The following DNAH9 variants were observed in gnomAD, a reference collection of about 807,000 sequenced individuals.
DNAH9 encodes DNAH9 variant protein.
A neutral mutation model predicts 471.6 loss-of-function variants in DNAH9; 345 were observed. The observed-to-expected ratio is 0.73, with a 90% CI of 0.67 to 0.80. DNAH9 has a LOEUF of 0.80. DNAH9 is among the 30% of genes least tolerant of loss of function. The probability of loss-of-function intolerance (pLI) is 0.00; values close to 1 mark genes in which losing one functional copy is unlikely to be tolerated. For synonymous variants in DNAH9, 2,093 were observed against 2,123.6 expected, an observed-to-expected ratio of 0.99 and a Z score of 0.40; for missense variants, 5,407 against 5,609.2, an observed-to-expected ratio of 0.96 and a Z score of 1.15.
At chr17:11,861,123 C>A (rs1485426818) in intron 50 of DNAH9, among the ~76,000 whole-genome samples, 1 of 151,846 alleles carries the variant, frequency 6.6e-6, no homozygotes, top group African/African-American at 2.4e-5. Flanking sequence ...TGCGCTGCAC[C>A]CACTAACTCG....
At position 11,947,772 on chromosome 17, in the gene DNAH9, A is replaced by AATTTTTTTTTTTTTTTTTTTT. The variant is rs1555528615; in HGVS notation, c.12843+5287_12843+5288insATTTTTTTTTTTTTTTTTTTT. Among the ~76,000 whole-genome samples, 2 of 108,344 alleles carry AATTTTTTTTTTTTTTTTTTTT rather than the reference A, an allele frequency of 1.8e-5. 1 individual carries two copies. The allele number at this position is 108,344 out of a possible 152,430, so 71.1% of individuals were successfully genotyped here. A position where few individuals can be genotyped will look rare whatever the true frequency, so the allele number is the denominator to read the frequency against. ...CAGAATCTGGGAGGGGCTGGGAACT[A>AATTTTTTTTTTTTTTTTTTTT]TTTTTTTTTTTTTTTTTTTTTTTTT... On this transcript the variant is annotated intron_variant, in intron 67 of 68. Coordinates refer to ENST00000262442, the MANE Select transcript of DNAH9 (RefSeq NM_001372.4).
intron 26 of DNAH9, among the ~76,000 whole-genome samples, chr17:11,715,734 A>G (rs1302298123): frequency 1.3e-5 from 2 of 152,188 alleles, no homozygotes; most frequent in Non-Finnish European, 2.9e-5. Context: ...AGAAAATGCA[A>G]TGTCATGGAT....
At chr17:11,599,004 G>T in intron 1 of DNAH9, 89 bp downstream of exon 1, 1 of 1,043,202 alleles carries the variant, frequency 9.6e-7, no homozygotes, top group Non-Finnish European at 1.3e-6. Context: ...GCCAGAGGGG[G>T]CGGGGCGAAG....
intron 61 of DNAH9, among the ~76,000 whole-genome samples, chr17:11,917,300 G>A (rs1973989677): frequency 6.6e-6 from 1 of 152,116 alleles, no homozygotes; most frequent in Admixed American, 6.5e-5. Flanking sequence ...GGGATTACAG[G>A]CGCCCACCAC....
intron 53 of DNAH9, 28 bp from the exon 54 acceptor site, chr17:11,880,050 A>G: frequency 6.2e-7 from 1 of 1,612,596 alleles, no homozygotes; most frequent in Non-Finnish European, 8.5e-7. Context: ...ACAGTCTCAT[A>G]CTCCCGGACT....
In DNAH9 at chr17:11,905,725, T is replaced by A; in HGVS notation, c.11665T>A (p.Ser3889Thr). 3.1e-6 allele frequency: 5 copies of A among 1,614,146 alleles called. No homozygotes were observed. The highest frequency in any genetic ancestry group is 3.4e-6 in the Non-Finnish European group (4 of 1,180,012). ...GGGAAGAGCCCTAGATTTTGCAACC[T>A]CATTTGAAGAATCGGGACCAGCCAC... ...VVGRALDFAT[S>T]FEESGPATPM... Residue 3889 changes from serine to threonine, a missense_variant, in exon 61 of 69, where the codon TCA (serine) becomes ACA (threonine). By Grantham distance (58) the Ser-to-Thr change is moderately conservative. Around this residue, in one of 3 missense-constraint regions of DNAH9, gnomAD observed 4,636 missense variants for 4,900.3 expected, o/e 0.95. Transcript: ENST00000262442.
chr17:11,757,389 G>A (rs146718332), intron 34 of DNAH9, among the ~76,000 whole-genome samples, 156 bp from the exon 35 acceptor site: 1 of 152,214 alleles, frequency 6.6e-6, no homozygotes, highest in Non-Finnish European at 1.5e-5. Flanking sequence ...GTCCTCAATA[G>A]CAAACCCATT....
At chr17:11,887,051 T>A in intron 57 of DNAH9, 86 bp downstream of exon 57, 1 of 1,480,122 alleles carries the variant, frequency 6.8e-7, no homozygotes, top group South Asian at 1.4e-5. Context: ...CTTATCCATG[T>A]AAGATCATTA....
chr17:11,604,910 C>T (rs915851741), intron 1 of DNAH9, among the ~76,000 whole-genome samples: 4 of 152,170 alleles, frequency 2.6e-5, no homozygotes, highest in Admixed American at 1.3e-4. Flanking sequence ...CTTGGTTGAT[C>T]CTACTCAAAA....
At chr17:11,946,613 A>G (rs1359976692) in intron 67 of DNAH9, among the ~76,000 whole-genome samples, 3 of 149,898 alleles carry the variant, frequency 2.0e-5, no homozygotes, top group Non-Finnish European at 4.4e-5. Context: ...GCAGTGAGCC[A>G]AGATGCCACC....
rs1469639368 is a variant in DNAH9, at chr17:11,673,739, A to G, written c.3353+3945A>G. Among the ~76,000 whole-genome samples the G allele has an allele frequency of 2.0e-5, 3 of 152,126 alleles. No homozygotes were observed. The East Asian group carries it at 5.8e-4, about 29-fold the overall frequency. On this transcript the variant is annotated intron_variant, in intron 17 of 68. Coordinates refer to ENST00000262442, the MANE Select transcript of DNAH9 (RefSeq NM_001372.4). ...TTGCATCATCCAGCTAAGAAACAGA[A>G]CATTGGCTATATTTTAAAGTTTAAA...
intron 45 of DNAH9, among the ~76,000 whole-genome samples, chr17:11,820,751 T>G (rs547116100): frequency 6.6e-6 from 1 of 152,332 alleles, no homozygotes; most frequent in South Asian, 2.1e-4. Flanking sequence ...TTTGCTATCA[T>G]TGCTATACTT....
At chr17:11,859,748 C>T (rs1474685021) in intron 50 of DNAH9, among the ~76,000 whole-genome samples, 4 of 152,100 alleles carry the variant, frequency 2.6e-5, no homozygotes, top group Non-Finnish European at 5.9e-5. Flanking sequence ...AGGGAGGTCC[C>T]ACACTCTTTT....
Position 11,930,009 on chromosome 17 carries a change from C to A in DNAH9, c.12021C>A (p.Ile4007=), listed in dbSNP as rs781537008. The change falls in exon 63 of 69, where the codon ATC becomes ATA. Residue 4007 remains isoleucine (I), a synonymous_variant. Coordinates refer to ENST00000262442, the MANE Select transcript of DNAH9 (RefSeq NM_001372.4). The part of the protein sequence containing the change: ...SPEGHIIPQG[I]LENSIKITNE... ...AGGGCCACATCATCCCCCAGGGCAT[C>A]CTGGAGAACTCCATTAAGATCACCA... The A allele has an allele frequency of 1.2e-6, 2 of 1,614,142 alleles. No homozygotes were observed. The highest frequency in any genetic ancestry group is 2.2e-5 in the South Asian group (2 of 91,082).
At chr17:11,728,587 C>A (rs2075199434) in intron 28 of DNAH9, among the ~76,000 whole-genome samples, 1 of 149,558 alleles carries the variant, frequency 6.7e-6, no homozygotes, top group Admixed American at 6.7e-5. Flanking sequence ...TTTCAATGTT[C>A]TAGAGGTGAC....
chr17:11,844,393 T>C (rs1971141863), intron 49 of DNAH9, among the ~76,000 whole-genome samples: 2 of 152,144 alleles, frequency 1.3e-5, no homozygotes, highest in African/African-American at 4.8e-5. Flanking sequence ...TGAAATTTTG[T>C]TTTAGTCATT....
Position 11,889,590 on chromosome 17 carries a change from G to A in DNAH9, c.11113-2187G>A, listed in dbSNP as rs137875688. On this transcript the variant is annotated intron_variant, in intron 57 of 68. Transcript: ENST00000262442. The stretch of plus-strand genomic sequence containing the variant: ...TGAAGGCATTGAGTTTGATACCCTT[G>A]GTCTAGAGCGTTGCTCATACTTTGC... Among the ~76,000 whole-genome samples, 388 of 152,296 alleles carry A rather than the reference G, an allele frequency of 2.5e-3. 2 individuals carry two copies. Among genetic ancestry groups the A allele is most frequent in the African/African-American group, 8.5e-3 (355 of 41,560 alleles).
intron 10 of DNAH9, among the ~76,000 whole-genome samples, chr17:11,642,417 C>T (rs556882129): frequency 3.5e-5 from 5 of 142,026 alleles, no homozygotes; most frequent in South Asian, 2.5e-4. Flanking sequence ...GGGCAGGGGG[C>T]GGGGGGCGCC....
Position 11,669,163 on chromosome 17 carries a change from G to T in DNAH9, c.2831G>T (p.Gly944Val). Reference sequence around the variant, plus strand: ...TCTCTGGAGTCTGGAGTGAAGGGGGGTTTCTGTGACATTGTTGAGGGTCTC... The same window carrying T: ...TCTCTGGAGTCTGGAGTGAAGGGGGTTTTCTGTGACATTGTTGAGGGTCTC... ...YPSLESGVKG[G>V]FCDIVEGLIT... Residue 944 changes from glycine (G) to valine (V), a missense_variant, in exon 16 of 69, where the codon GGT becomes GTT. Physicochemically the swap from Gly to Val is moderately radical, Grantham distance 109. Coordinates refer to ENST00000262442, the MANE Select transcript of DNAH9 (RefSeq NM_001372.4). The T allele has an allele frequency of 6.2e-7, 1 of 1,613,810 alleles. No homozygotes were observed. The highest frequency in any genetic ancestry group is 8.5e-7 in the Non-Finnish European group (1 of 1,179,756).
Sources: allele counts gnomAD v4.1 joint callset (sites outside exome capture counted in the v4.1 genomes callset), GRCh38; gene constraint gnomAD v4.1.1; regional missense constraint gnomAD v4.1.1; transcripts MANE v1.5; gene names NCBI Gene and HGNC (gene_info 2026-07-23, HGNC 2026-07-21).